ARHGAP9: variants seen among roughly 807,000 people sequenced by gnomAD.
ARHGAP9 encodes Rho GTPase activating protein 9, also known as rho GTPase-activating protein 9.
ARHGAP9 carries 76 observed loss-of-function variants against 87.3 expected under a neutral mutation model. The observed-to-expected ratio is 0.87, with a 90% CI of 0.72 to 1.05. The LOEUF (loss-of-function observed/expected upper bound fraction) is 1.05. Among genes scored for constraint, ARHGAP9 ranks in the 50% least tolerant of loss-of-function variants. The pLI, the probability that ARHGAP9 is intolerant of heterozygous loss-of-function variation, is 0.00. For missense variants in ARHGAP9, 941 were observed against 960.5 expected (o/e 0.98, Z 0.27); for synonymous variants, 382 against 394.9 (o/e 0.97, Z 0.39).
chr12:57,477,667 G>T lies in ARHGAP9; in HGVS notation c.548C>A (p.Pro183His). The change falls in exon 4 of 18, where the codon CCC becomes CAC. Residue 183 changes from proline to histidine, a missense_variant. Physicochemically the swap from Pro to His is moderately conservative, Grantham distance 77. Coordinates refer to ENST00000393791, the MANE Select transcript of ARHGAP9 (RefSeq NM_032496.4). ...GTACACAGGGGGCTCTGACATGAGG[G>T]GCTGGGGGCCTGCCTGCCAGAAAAG... is the stretch of plus-strand genomic sequence containing the variant. ...EASASTAGPQ[P>H]LMSEPPVYCN... is the part of the protein sequence containing the mutation. The T allele has an allele frequency of 6.2e-7, 1 of 1,612,290 alleles. No homozygotes were observed.
upstream of ARHGAP9, among the ~76,000 whole-genome samples, chr12:57,483,332 T>C (rs1875166345): frequency 6.6e-6 from 1 of 152,176 alleles, no homozygotes; most frequent in Non-Finnish European, 1.5e-5. Context: ...ATCTACCTAC[T>C]TTTTATCCCC....
At position 57,474,487 on chromosome 12, in the gene ARHGAP9, A is replaced by G. The variant is rs111239478; in HGVS notation, c.1730-11T>C. On this transcript the variant is annotated splice_polypyrimidine_tract_variant and intron_variant, in intron 14 of 17. Transcript: ENST00000393791. ...AGGTGACCGCACGCTCTGCAACATG[A>G]ATGAGGAGAGATCAGGAGCTAAGAC... The G allele has an allele frequency of 1.7e-5, 27 of 1,614,142 alleles. No individual in the cohort carries two copies. Among genetic ancestry groups the G allele is most frequent in the Non-Finnish European group, 2.3e-5 (27 of 1,180,034 alleles).
intron 1 of ARHGAP9, chr12:57,487,959 T>A: frequency 1.4e-6 from 1 of 725,980 alleles, no homozygotes; most frequent in Non-Finnish European, 2.5e-6. Flanking sequence ...GGAGAAATAG[T>A]CTACTTTCCG....
At chr12:57,484,040 CAAAAAAAAAAAAAAAA>C, upstream of ARHGAP9, 1 of 39,620 alleles carries the variant, frequency 2.5e-5, no homozygotes, top group Non-Finnish European at 5.2e-5. Flanking sequence ...GACCCTGTCT[CAAAAAAAAAAAAAAAA>C]AAAAAAAAAA....
At chr12:57,488,205 C>A (rs1565635767) in intron 1 of ARHGAP9, 1 of 1,606,108 alleles carries the variant, frequency 6.2e-7, no homozygotes, top group South Asian at 1.1e-5. Flanking sequence ...GGAAGGTACT[C>A]GTGCTGGTGC....
exon 1 of ARHGAP9, chr12:57,488,798 C>T (rs1355003214): frequency 3.5e-6 from 3 of 856,372 alleles, no homozygotes; most frequent in Non-Finnish European, 5.5e-6. Flanking sequence ...CTGCAGTCCC[C>T]ATCTGTTGCT....
At position 57,479,796 on chromosome 12, in the gene ARHGAP9, T is replaced by A. The variant is rs757184942; in HGVS notation, c.-85A>T. On this transcript the variant is annotated 5_prime_UTR_variant, in exon 1 of 18. Transcript: ENST00000393791. ...CTGGGTAGTGGTGGGAGTCTTGAGG[T>A]GGACACAGGAAGGAGATAAGAAGAA... 2 of 1,545,018 alleles carry A rather than the reference T, an allele frequency of 1.3e-6. No individual in the cohort carries two copies. Among genetic ancestry groups the A allele is most frequent in the South Asian group, 2.4e-5 (2 of 83,474 alleles).
intron 1 of ARHGAP9, chr12:57,487,321 T>A (rs1034618781): frequency 1.6e-4 from 24 of 152,080 alleles, no homozygotes; most frequent in African/African-American, 5.8e-4. Flanking sequence ...ATATGTACAC[T>A]AACTTCCACT....
intron 14 of ARHGAP9, 47 bp from the exon 15 acceptor site, chr12:57,474,523 A>T (rs879146096): frequency 1.2e-6 from 2 of 1,613,788 alleles, no homozygotes; most frequent in South Asian, 2.2e-5. Context: ...ATACACTTCC[A>T]GCCTGACGGC....
rs754252669 is a variant in ARHGAP9, at chr12:57,476,502, G to A, written c.1026-48C>T. 24 of 1,612,706 alleles carry A rather than the reference G, an allele frequency of 1.5e-5. No homozygotes were observed. The South Asian group carries it at 2.6e-4, about 18-fold the overall frequency. ...TAGTGGTAGCGAACAGGTCATTCTA[G>A]AATGACACGAGGAGGGTGCTCTTCC... On this transcript the variant is annotated intron_variant, in intron 7 of 17. Coordinates refer to ENST00000393791, the MANE Select transcript of ARHGAP9 (RefSeq NM_032496.4).
chr12:57,479,323 A>G lies in ARHGAP9; in HGVS notation c.84T>C (p.Cys28=), dbSNP rs34776443. The change falls in exon 2 of 18, where the codon TGT becomes TGC. Residue 28 remains cysteine, a synonymous_variant. Transcript: ENST00000393791. ...PRSPPRGSQL[C]ALYAFTYTGA... is the part of the protein sequence containing the mutation. ...CAGTATAAGTAAAGGCATAGAGGGCACAGAGCTGGGATCCCCGAGGAGGGC... is the reference window on the plus strand; with the variant it reads ...CAGTATAAGTAAAGGCATAGAGGGCGCAGAGCTGGGATCCCCGAGGAGGGC... 7 of 1,614,112 alleles carry G rather than the reference A, an allele frequency of 4.3e-6. No individual in the cohort carries two copies. The African/African-American group carries it at 9.3e-5, about 22-fold the overall frequency.
chr12:57,477,617 A>T lies in ARHGAP9; in HGVS notation c.598T>A (p.Cys200Ser). The T allele has an allele frequency of 6.2e-7, 1 of 1,613,274 alleles. No individual in the cohort carries two copies. Among genetic ancestry groups the T allele is most frequent in the Non-Finnish European group, 8.5e-7 (1 of 1,179,610 alleles). The change falls in exon 4 of 18, where the codon TGT becomes AGT. Residue 200 changes from cysteine to serine, a missense_variant. Cys to Ser is a moderately radical substitution (Grantham distance 112, BLOSUM62 -1). Coordinates refer to ENST00000393791, the MANE Select transcript of ARHGAP9 (RefSeq NM_032496.4). The stretch of plus-strand genomic sequence containing the variant: ...GGGCCTGGGGGTGGGGACCGAGGAC[A>T]GCGGCGAAGGTCCACCAGGTTACAG... Reference protein sequence around the residue: ...VYCNLVDLRRCPRSPPPGPAC... With the variant: ...VYCNLVDLRRSPRSPPPGPAC...
At position 57,479,141 on chromosome 12, in the gene ARHGAP9, G is replaced by C. The variant is rs755347224; in HGVS notation, c.266C>G (p.Pro89Arg). The change falls in exon 2 of 18, where the codon CCT becomes CGT. Residue 89 changes from proline to arginine, a missense_variant. Pro to Arg is a moderately radical substitution (Grantham distance 103, BLOSUM62 -2). Coordinates refer to ENST00000393791, the MANE Select transcript of ARHGAP9 (RefSeq NM_032496.4). The stretch of plus-strand genomic sequence containing the variant: ...GATGACGGTAGTTGGACTCTGGGAA[G>C]GGATGGATTCCTCTATCATATAGGC... ...PAAYMIEESIPSQSPTTVIPG... is the reference protein window; with the variant it reads ...PAAYMIEESIRSQSPTTVIPG... The C allele has an allele frequency of 6.2e-7, 1 of 1,614,198 alleles. No individual in the cohort carries two copies. The highest frequency in any genetic ancestry group is 1.1e-5 in the South Asian group (1 of 91,090).
chr12:57,474,235 A>G, intron 15 of ARHGAP9, 59 bp from the exon 16 acceptor site: 1 of 1,591,964 alleles, frequency 6.3e-7, no homozygotes, highest in Non-Finnish European at 8.6e-7. Flanking sequence ...AGAGACTGAG[A>G]GATTAGAAGT....
chr12:57,479,745 A>G lies in ARHGAP9; in HGVS notation c.-34T>C. 6.4e-7 allele frequency: 1 copy of G among 1,550,746 alleles called. No homozygotes were observed. Among genetic ancestry groups the G allele is most frequent in the South Asian group, 1.2e-5 (1 of 84,032 alleles). On this transcript the variant is annotated 5_prime_UTR_variant, in exon 1 of 18. Transcript: ENST00000393791. ...CTCCAAGTACCTTGTGGGGCCCATC[A>G]GAAGATTCAGGAGCAGGAGTTGGTC...
rs767667684 is a variant in ARHGAP9, at chr12:57,476,470, G to T, written c.1026-16C>A. On this transcript the variant is annotated splice_polypyrimidine_tract_variant and intron_variant, in intron 7 of 17. Transcript: ENST00000393791. ...CCAGTTCTTCCTGCGGGGACAGAGA[G>T]GGGAGGTAGTGGTAGCGAACAGGTC... 2 of 1,613,928 alleles carry T rather than the reference G, an allele frequency of 1.2e-6. No individual in the cohort carries two copies. The highest frequency in any genetic ancestry group is 3.3e-5 in the Admixed American group (2 of 60,022).
chr12:57,482,430 C>T (rs1189008904), upstream of ARHGAP9, among the ~76,000 whole-genome samples: 8 of 152,034 alleles, frequency 5.3e-5, no homozygotes, highest in Non-Finnish European at 8.8e-5. Context: ...TTAATACAGA[C>T]GGGGTTTCAC....
Position 57,477,241 on chromosome 12 carries a change from G to T in ARHGAP9, c.785C>A (p.Thr262Asn). 2 of 1,585,796 alleles carry T rather than the reference G, an allele frequency of 1.3e-6. No individual in the cohort carries two copies. The highest frequency in any genetic ancestry group is 1.7e-6 in the Non-Finnish European group (2 of 1,166,166). Residue 262 changes from threonine to asparagine, a missense_variant, in exon 5 of 18, where the codon ACC (threonine) becomes AAC (asparagine). Coordinates refer to ENST00000393791, the MANE Select transcript of ARHGAP9 (RefSeq NM_032496.4). ...CAGGACATCATTGTTCCTCTTCAGG[G>T]TCTGTGTCCCCTCCATGGAGCCAGG... Reference protein sequence around the residue: ...TNPGSMEGTQTLKRNNDVLQP... With the variant: ...TNPGSMEGTQNLKRNNDVLQP...
chr12:57,488,071 A>G (rs755193505), intron 1 of ARHGAP9: 2 of 1,609,066 alleles, frequency 1.2e-6, no homozygotes, highest in Admixed American at 1.7e-5. Context: ...CGGTTGCATC[A>G]GCGAGGGATT....
Sources: gnomAD v4.1 joint callset for allele counts (sites outside exome capture counted in the v4.1 genomes callset) on GRCh38, gnomAD v4.1.1 for gene constraint, MANE v1.5 for transcripts, NCBI Gene and HGNC (gene_info 2026-07-23, HGNC 2026-07-21) for gene names.